DMD: variants seen among roughly 807,000 people sequenced by gnomAD.
DMD encodes the protein mutant dystrophin.
A neutral mutation model predicts 330.1 loss-of-function variants in DMD; 63 were observed. The observed-to-expected ratio is 0.19, with a 90% CI of 0.16 to 0.24. DMD has a LOEUF of 0.24. DMD is among the 10% of genes least tolerant of loss of function. The pLI is 1.00. For missense variants in DMD, 3,344 were observed against 2,684.1 expected, an observed-to-expected ratio of 1.25 and a Z score of -5.43; for synonymous variants, 1,223 against 959.8, an observed-to-expected ratio of 1.27 and a Z score of -5.07.
chrX:31,566,735 C>T (rs1341302637), intron 55 of DMD, among the ~76,000 whole-genome samples: 9 of 111,652 alleles, frequency 8.1e-5, no homozygotes, highest in Non-Finnish European at 1.3e-4. Flanking sequence ...ATAAACATGC[C>T]ATATAATCCA....
chrX:33,085,357 T>C (rs1462294742), intron 1 of DMD, among the ~76,000 whole-genome samples: 2 of 111,612 alleles, frequency 1.8e-5, no homozygotes, highest in Non-Finnish European at 3.8e-5. Flanking sequence ...AGAAATTTAC[T>C]TTTACTATAG....
intron 60 of DMD, among the ~76,000 whole-genome samples, chrX:31,390,911 T>C (rs112908967): frequency 0.011 from 1,237 of 111,605 alleles, 5 homozygotes; most frequent in Middle Eastern, 0.037. Context: ...AGCCTTGTCC[T>C]GTACCACTCA....
intron 44 of DMD, among the ~76,000 whole-genome samples, chrX:32,125,107 C>T (rs1159335676): frequency 1.8e-5 from 2 of 110,329 alleles, no homozygotes; most frequent in East Asian, 2.9e-4. Flanking sequence ...TTAATGTGAA[C>T]CTTTTGAAGG....
At chrX:32,980,978 C>T (rs999136480) in intron 2 of DMD, among the ~76,000 whole-genome samples, 1 of 111,336 alleles carries the variant, frequency 9.0e-6, no homozygotes, top group African/African-American at 3.3e-5. Context: ...GGGCTTAACC[C>T]CAATTTAAAG....
At chrX:31,904,471 A>G (rs1370975582) in intron 47 of DMD, among the ~76,000 whole-genome samples, 1 of 111,768 alleles carries the variant, frequency 8.9e-6, no homozygotes, top group Non-Finnish European at 1.9e-5. Flanking sequence ...AAAGGATATC[A>G]CTTCTCCAAT....
At chrX:31,187,013 T>C (rs762022689) in intron 67 of DMD, among the ~76,000 whole-genome samples, 3 of 112,919 alleles carry the variant, frequency 2.7e-5, no homozygotes, top group African/African-American at 9.6e-5. Flanking sequence ...CAGCACAGCA[T>C]ATAGAAGTTC....
intron 22 of DMD, among the ~76,000 whole-genome samples, chrX:32,469,546 G>C (rs764506791): frequency 1.8e-5 from 2 of 110,390 alleles, no homozygotes; most frequent in African/African-American, 3.3e-5. Flanking sequence ...TAGTTTCATA[G>C]TATCCTATGC....
intron 50 of DMD, among the ~76,000 whole-genome samples, chrX:31,774,934 T>C (rs1176036849): frequency 9.0e-6 from 1 of 111,563 alleles, no homozygotes; most frequent in Non-Finnish European, 1.9e-5. Flanking sequence ...AGTCAGCCTA[T>C]GGTAATGGTT....
At chrX:32,496,768 G>T (rs147351693) in intron 19 of DMD, among the ~76,000 whole-genome samples, 115 of 112,807 alleles carry the variant, frequency 1.0e-3, no homozygotes, top group Non-Finnish European at 1.9e-3. Context: ...AAATGTGCCT[G>T]TCAATTAAAA....
At chrX:31,395,801 A>C (rs2060894998) in intron 60 of DMD, among the ~76,000 whole-genome samples, 1 of 112,193 alleles carries the variant, frequency 8.9e-6, no homozygotes, top group Non-Finnish European at 1.9e-5. Flanking sequence ...CTATTTATTT[A>C]AGCCACTGTA....
chrX:33,302,574 T>C lies in DMD; in HGVS notation c.7+36685A>G, dbSNP rs1048667933. On this transcript the variant is annotated intron_variant, in intron 1 of 17. Transcript: ENST00000288447. Reference sequence around the variant, plus strand: ...TCTCTTTACTCTTTCCATTTTTCTATAGTGGTATTAGTAGTGTTGCACATT... The same window carrying C: ...TCTCTTTACTCTTTCCATTTTTCTACAGTGGTATTAGTAGTGTTGCACATT... Among the ~76,000 whole-genome samples, 5 of 111,995 alleles carry C rather than the reference T, an allele frequency of 4.5e-5. No individual in the cohort carries two copies. The East Asian group carries it at 1.1e-3, about 25-fold the overall frequency.
chrX:32,863,509 CAA>C (rs544421635), intron 2 of DMD, among the ~76,000 whole-genome samples: 2 of 49,078 alleles, frequency 4.1e-5, no homozygotes, highest in African/African-American at 1.3e-4. Context: ...GACTCCGTCT[CAA>C]AAAAAAAAAA....
At chrX:32,762,877 C>T (rs1295146952) in intron 7 of DMD, among the ~76,000 whole-genome samples, 1 of 111,618 alleles carries the variant, frequency 9.0e-6, no homozygotes, top group Non-Finnish European at 1.9e-5. Flanking sequence ...TTGTATAATG[C>T]GAAGAACTGA....
chrX:31,286,270 AT>A (rs2053203549), intron 62 of DMD, among the ~76,000 whole-genome samples: 1 of 111,965 alleles, frequency 8.9e-6, no homozygotes, highest in Admixed American at 9.5e-5. Context: ...GCCACTACAA[AT>A]TCTTTCAAAA....
At chrX:32,730,576 T>C (rs184544629) in intron 7 of DMD, among the ~76,000 whole-genome samples, 2 of 111,736 alleles carry the variant, frequency 1.8e-5, no homozygotes, top group Admixed American at 1.9e-4. Context: ...AGTAAGATGT[T>C]TGCCCTAGGA....
intron 9 of DMD, among the ~76,000 whole-genome samples, chrX:32,667,162 C>G (rs910138331): frequency 9.0e-6 from 1 of 111,134 alleles, no homozygotes; most frequent in East Asian, 2.8e-4. Context: ...GAATTTAAAC[C>G]TTGGATGACA....
At chrX:32,149,322 C>T (rs1446077626) in intron 44 of DMD, among the ~76,000 whole-genome samples, 1 of 111,094 alleles carries the variant, frequency 9.0e-6, no homozygotes, top group East Asian at 2.8e-4. Flanking sequence ...TATTATGCAC[C>T]GAAAATGAAA....
intron 25 of DMD, among the ~76,000 whole-genome samples, chrX:32,458,909 A>C (rs1603633990): frequency 9.0e-6 from 1 of 111,325 alleles, no homozygotes; most frequent in Middle Eastern, 4.6e-3. Flanking sequence ...ATCATTTGCC[A>C]GACATATGAT....
intron 5 of DMD, among the ~76,000 whole-genome samples, chrX:32,818,935 G>C (rs1433031360): frequency 9.2e-6 from 1 of 108,821 alleles, no homozygotes; most frequent in Admixed American, 9.9e-5. Context: ...GAATAAGCGT[G>C]TCATAGGGTC....
Sources: gnomAD v4.1 joint callset for allele counts (sites outside exome capture counted in the v4.1 genomes callset) on GRCh38, gnomAD v4.1.1 for gene constraint, MANE v1.5 for transcripts, NCBI Gene and HGNC (gene_info 2026-07-23, HGNC 2026-07-21) for gene names.